Variants in AMPD1 observed in about 807,000 individuals in gnomAD.
AMPD1 encodes the protein AMP deaminase 1.
A neutral mutation model predicts 82.9 loss-of-function variants in AMPD1; 74 were observed. The observed-to-expected ratio is 0.89, with a 90% CI of 0.74 to 1.08. The LOEUF (loss-of-function observed/expected upper bound fraction) is 1.08, where lower values mean the gene tolerates loss of function less well. Among genes scored for constraint, AMPD1 ranks in the 50% least tolerant of loss-of-function variants. AMPD1 has a pLI of 0.00. For synonymous variants in AMPD1, 333 were observed against 320.5 expected, an observed-to-expected ratio of 1.04 and a Z score of -0.42; for missense variants, 881 against 924.5, an observed-to-expected ratio of 0.95 and a Z score of 0.61.
chr1:114,680,627 T>C (rs966211637), intron 5 of AMPD1, 149 bp from the exon 6 acceptor site: 10 of 705,346 alleles, frequency 1.4e-5, no homozygotes, highest in African/African-American at 7.2e-5. Flanking sequence ...ACCTTTATTT[T>C]TGCATTATTT....
intron 1 of AMPD1, among the ~76,000 whole-genome samples, chr1:114,693,710 T>A (rs980695229): frequency 2.0e-5 from 3 of 152,246 alleles, no homozygotes; most frequent in Non-Finnish European, 2.9e-5. Flanking sequence ...ATATGATTTT[T>A]AAAAATATCT....
chr1:114,677,347 A>T lies in AMPD1; in HGVS notation c.1388+4T>A. ...TCTAGAGTTTCTGATGGGCAGGTAC[A>T]TACTAGATCCTGGGAACCTGGATCA... On this transcript the variant is annotated splice_donor_region_variant and intron_variant, in intron 10 of 15. Coordinates refer to ENST00000520113, the MANE Select transcript of AMPD1 (RefSeq NM_000036.3). 3 of 1,610,246 alleles carry T rather than the reference A, an allele frequency of 1.9e-6. No homozygotes were observed. Among genetic ancestry groups the T allele is most frequent in the Middle Eastern group, 1.7e-4 (1 of 6,060 alleles).
chr1:114,684,471 C>G, intron 4 of AMPD1, 107 bp from the exon 5 acceptor site: 1 of 1,153,316 alleles, frequency 8.7e-7, no homozygotes, highest in Non-Finnish European at 1.3e-6. Flanking sequence ...TATCGCAGCC[C>G]ATTCTGAGAC....
At chr1:114,685,673 T>C (rs1658295601) in intron 4 of AMPD1, among the ~76,000 whole-genome samples, 1 of 152,214 alleles carries the variant, frequency 6.6e-6, no homozygotes, top group African/African-American at 2.4e-5. Flanking sequence ...GTTTTTATTC[T>C]TGTTTTCATT....
At position 114,675,662 on chromosome 1, in the gene AMPD1, G is replaced by T; in HGVS notation, c.1547C>A (p.Ser516Tyr). ...GGAGAACATGTGGCCACTGTGTTTG[G>T]ACTCATCATCCACACTGTCAAAGCC... ...ITGFDSVDDE[S>Y]KHSGHMFSSK... Residue 516 changes from serine to tyrosine, a missense_variant, in exon 12 of 16, where the codon TCC (serine) becomes TAC (tyrosine). Around this residue, in one of 2 missense-constraint regions of AMPD1, gnomAD observed 783 missense variants for 786.4 expected, o/e 1.00. Transcript: ENST00000520113. 1 of 1,614,158 alleles carries T rather than the reference G, an allele frequency of 6.2e-7. No individual in the cohort carries two copies. The highest frequency in any genetic ancestry group is 8.5e-7 in the Non-Finnish European group (1 of 1,180,030).
chr1:114,688,615 A>G lies in AMPD1; in HGVS notation c.161T>C (p.Met54Thr). The stretch of plus-strand genomic sequence containing the variant: ...CTCCAGATGGAATATGTGTGCTTGC[A>G]TCTCATGATGAGAAATCGGACAGAT... ...DEICPISHHEMQAHIFHLETL... is the reference protein window; with the variant it reads ...DEICPISHHETQAHIFHLETL... The change falls in exon 3 of 16, where the codon ATG becomes ACG. Residue 54 changes from methionine (M) to threonine (T), a missense_variant. Physicochemically the swap from Met to Thr is moderately conservative, Grantham distance 81. Coordinates refer to ENST00000520113, the MANE Select transcript of AMPD1 (RefSeq NM_000036.3). 2.5e-6 allele frequency: 4 copies of G among 1,614,184 alleles called. No individual in the cohort carries two copies. The highest frequency in any genetic ancestry group is 3.4e-6 in the Non-Finnish European group (4 of 1,180,036).
chr1:114,690,749 C>T (rs749606591), intron 2 of AMPD1, among the ~76,000 whole-genome samples: 1 of 152,136 alleles, frequency 6.6e-6, no homozygotes, highest in Non-Finnish European at 1.5e-5. Context: ...AATGTCACTA[C>T]TTCCTAAGCA....
At chr1:114,691,757 C>G (rs1171233563) in intron 2 of AMPD1, among the ~76,000 whole-genome samples, 1 of 152,042 alleles carries the variant, frequency 6.6e-6, no homozygotes, top group African/African-American at 2.4e-5. Flanking sequence ...GAAACCACGT[C>G]TCTACTAAAA....
intron 14 of AMPD1, 50 bp downstream of exon 14, chr1:114,673,858 GA>G: frequency 6.2e-7 from 1 of 1,601,524 alleles, no homozygotes; most frequent in Non-Finnish European, 8.6e-7. Flanking sequence ...TTCTGGACGG[GA>G]AACAACAGTC....
intron 15 of AMPD1, 118 bp downstream of exon 15, chr1:114,673,521 T>C (rs1275850030): frequency 1.6e-5 from 15 of 933,852 alleles, no homozygotes; most frequent in Non-Finnish European, 2.4e-5. Context: ...TCCCTGTCCA[T>C]AGTAACTGCA....
chr1:114,689,089 G>A (rs1658431946), intron 2 of AMPD1, among the ~76,000 whole-genome samples: 2 of 152,198 alleles, frequency 1.3e-5, no homozygotes, highest in Non-Finnish European at 2.9e-5. Flanking sequence ...GAACCATGCA[G>A]CACAGTTCTT....
At chr1:114,677,800 TC>T (rs1658039968) in intron 9 of AMPD1, 109 bp downstream of exon 9, 1 of 147,016 alleles carries the variant, frequency 6.8e-6, no homozygotes, top group Non-Finnish European at 1.0e-5. Flanking sequence ...CCTCTCTCCC[TC>T]CTTCCTTCCT....
chr1:114,686,937 T>C (rs1221602253), intron 3 of AMPD1, 27 bp from the exon 4 acceptor site: 1 of 1,613,302 alleles, frequency 6.2e-7, no homozygotes, highest in Admixed American at 1.7e-5. Context: ...AAAGTAAGAG[T>C]TAATTTTGTC....
At chr1:114,688,785 A>G in intron 2 of AMPD1, 44 bp from the exon 3 acceptor site, 5 of 1,609,334 alleles carry the variant, frequency 3.1e-6, no homozygotes, top group Non-Finnish European at 3.4e-6. Context: ...CCCTTTTCAA[A>G]AGTCAGCTGA....
chr1:114,679,688 C>A lies in AMPD1; in HGVS notation c.788G>T (p.Arg263Leu). 6.2e-7 allele frequency: 1 copy of A among 1,613,860 alleles called. No individual in the cohort carries two copies. The highest frequency in any genetic ancestry group is 8.5e-7 in the Non-Finnish European group (1 of 1,179,962). The change falls in exon 7 of 16, where the codon CGC (arginine) becomes CTC (leucine). Residue 263 changes from arginine to leucine, a missense_variant. By Grantham distance (102) the Arg-to-Leu change is moderately radical. Transcript: ENST00000520113. ...GAACTTGGAGGAGAGGAACTTCAGG[C>A]GCCGGTGGGTATAGGTCTTACTGTG... Reference protein sequence around the residue: ...QGPVKTYTHRRLKFLSSKFQV... With the variant: ...QGPVKTYTHRLLKFLSSKFQV...
intron 5 of AMPD1, among the ~76,000 whole-genome samples, chr1:114,681,671 G>C (rs1658162663): frequency 6.6e-6 from 1 of 151,736 alleles, no homozygotes; most frequent in South Asian, 2.1e-4. Flanking sequence ...GGCACAGCCA[G>C]TCTCCACTCT....
chr1:114,673,265 A>AAAAGTAAAGTTT lies in AMPD1; in HGVS notation c.2092_2093insAAACTTTACTTT (p.Val698delinsGluThrLeuLeuLeu), dbSNP rs1256504576. On this transcript the variant is annotated protein_altering_variant, in exon 16 of 16. Transcript: ENST00000520113. ...AAGGTAATTGTCGCCCAGAAACTTT[A>AAAAGTAAAGTTT]CTTTCTCCTATAAGAGAAAAGGATG... 1.2e-6 allele frequency: 2 copies of AAAAGTAAAGTTT among 1,613,994 alleles called. No individual in the cohort carries two copies. The highest frequency in any genetic ancestry group is 2.7e-5 in the African/African-American group (2 of 74,938).
chr1:114,677,794 TCTCC>T (rs34245099), intron 9 of AMPD1, 112 bp downstream of exon 9: 11,026 of 471,054 alleles, frequency 0.023, 404 homozygotes, highest in Non-Finnish European at 0.032. Flanking sequence ...TCTTTCCCTC[TCTCC>T]CTCCTTCCTT....
In AMPD1 at chr1:114,677,357, C is replaced by CT; in HGVS notation, c.1381dup (p.Arg461LysfsTer4). ...CTGATGGGCAGGTACATACTAGATC[C>CT]TGGGAACCTGGATCATCCATGTCAT... On this transcript the variant is annotated frameshift_variant, in exon 10 of 16. Coordinates refer to ENST00000520113, the MANE Select transcript of AMPD1 (RefSeq NM_000036.3). LOFTEE classifies it high-confidence loss of function. 6.2e-7 allele frequency: 1 copy of CT among 1,609,960 alleles called. No homozygotes were observed. Among genetic ancestry groups the CT allele is most frequent in the Non-Finnish European group, 8.5e-7 (1 of 1,179,170 alleles).
Sources: gnomAD v4.1 joint callset for allele counts (sites outside exome capture counted in the v4.1 genomes callset) on GRCh38, gnomAD v4.1.1 for gene constraint, gnomAD v4.1.1 regional missense constraint, MANE v1.5 for transcripts, NCBI Gene and HGNC (gene_info 2026-07-23, HGNC 2026-07-21) for gene names.